MAP3K14: variants seen among roughly 807,000 people sequenced by gnomAD.
MAP3K14 encodes the protein NF-kappa-beta-inducing kinase.
Under a neutral mutation model 99.2 loss-of-function variants are expected in MAP3K14, and 16 were observed. The observed-to-expected ratio is 0.16, with a 90% confidence interval of 0.11 to 0.24. MAP3K14 has a LOEUF of 0.24. Ranked by LOEUF, MAP3K14 falls within the 10% of genes least tolerant of loss-of-function variation. MAP3K14 has a pLI of 1.00. For synonymous variants in MAP3K14, 462 were observed against 492.4 expected (o/e 0.94, Z 0.82); for missense variants, 784 against 1,208.7 (o/e 0.65, Z 5.21).
In MAP3K14 at chr17:45,271,212, A is replaced by G; in HGVS notation, c.1667T>C (p.Ile556Thr). The change falls in exon 10 of 16, where the codon ATC becomes ACC. Residue 556 changes from isoleucine to threonine, a missense_variant. Ile to Thr is a moderately conservative substitution (Grantham distance 89). This residue lies in a region of MAP3K14 where 200 missense variants were observed against 367.9 expected (regional missense o/e 0.54). Coordinates refer to ENST00000344686, the MANE Select transcript of MAP3K14 (RefSeq NM_003954.5). Reference protein sequence around the residue: ...LGKSLLTGDYIPGTETHMAPE... With the variant: ...LGKSLLTGDYTPGTETHMAPE... ...AGCCATGTGGGTCTCTGTGCCAGGG[A>G]TGTAGTCCCCTGAGAAGGGGGATGA... is the stretch of plus-strand genomic sequence containing the variant. The G allele has an allele frequency of 6.2e-7, 1 of 1,608,246 alleles. No homozygotes were observed. The highest frequency in any genetic ancestry group is 8.5e-7 in the Non-Finnish European group (1 of 1,178,356).
rs1598239761 is a variant in MAP3K14 at position 45,267,309 on chromosome 17, GAAGA to G, written c.2326+93_2326+96del. On this transcript the variant is annotated intron_variant, in intron 12 of 15. Coordinates refer to ENST00000344686, the MANE Select transcript of MAP3K14 (RefSeq NM_003954.5). The surrounding 1 kb of genome is among the most constrained non-coding windows in gnomAD (Gnocchi z 5.1). Reference sequence around the variant, plus strand: ...AGCTGAGCTGCTGGGGAAGGGGCTGGAAGAAAGCCCACACCGCAGGTAAAGAGAA... The same window carrying G: ...AGCTGAGCTGCTGGGGAAGGGGCTGGAAGCCCACACCGCAGGTAAAGAGAA... 7.0e-7 allele frequency: 1 copy of G among 1,435,062 alleles called. No homozygotes were observed. Among genetic ancestry groups the G allele is most frequent in the Non-Finnish European group, 9.6e-7 (1 of 1,043,546 alleles). The allele number at this position is 1,435,062 out of a possible 1,614,324, so 88.9% of individuals were successfully genotyped here. A position where few individuals can be genotyped will look rare whatever the true frequency, so the allele number is the denominator to read the frequency against.
intron 11 of MAP3K14, chr17:45,268,541 C>T (rs2044116202): frequency 6.6e-6 from 1 of 152,138 alleles, no homozygotes; most frequent in African/African-American, 2.4e-5. Flanking sequence ...ATGTGCGCCA[C>T]CATACCTGGC....
intron 1 of MAP3K14, among the ~76,000 whole-genome samples, chr17:45,293,677 A>C (rs1330634462): frequency 1.3e-5 from 2 of 152,148 alleles, no homozygotes; most frequent in Non-Finnish European, 2.9e-5. Flanking sequence ...GGGAGCTGTA[A>C]AGCTCCTCCT....
In MAP3K14 at chr17:45,267,433, C is replaced by G; in HGVS notation, c.2299G>C (p.Glu767Gln). The G allele has an allele frequency of 1.9e-6, 3 of 1,603,170 alleles. No individual in the cohort carries two copies. Among genetic ancestry groups the G allele is most frequent in the Non-Finnish European group, 2.6e-6 (3 of 1,174,864 alleles). The change falls in exon 12 of 16, where the codon GAG becomes CAG. Residue 767 changes from glutamate (E) to glutamine (Q), a missense_variant. Around this residue, in one of 5 missense-constraint regions of MAP3K14, gnomAD observed 128 missense variants for 143.3 expected, o/e 0.89. Coordinates refer to ENST00000344686, the MANE Select transcript of MAP3K14 (RefSeq NM_003954.5). The surrounding 1 kb of genome is among the most constrained non-coding windows in gnomAD (Gnocchi z 5.1). ...ATTTCCAGCTGCTGCAGTTCCTGCT[C>G]CGGGACGGTTGCTTTCCGCTCTGGT... ...SSPERKATVP[E>Q]QELQQLEIEL...
At chr17:45,279,733 T>C (rs568631184) in intron 6 of MAP3K14, among the ~76,000 whole-genome samples, 3 of 152,244 alleles carry the variant, frequency 2.0e-5, no homozygotes, top group Non-Finnish European at 4.4e-5. Flanking sequence ...TCTTCTTTGG[T>C]ATTCTTATCT....
intron 1 of MAP3K14, among the ~76,000 whole-genome samples, chr17:45,296,617 G>A (rs1385284299): frequency 6.6e-6 from 1 of 152,208 alleles, no homozygotes; most frequent in Non-Finnish European, 1.5e-5. Flanking sequence ...CATCTGGCGA[G>A]GCAGACTCAG....
intron 1 of MAP3K14, among the ~76,000 whole-genome samples, chr17:45,298,972 A>G (rs2044366302): frequency 6.6e-6 from 1 of 152,200 alleles, no homozygotes; most frequent in South Asian, 2.1e-4. Context: ...CTGCCCAAGA[A>G]AAAGGAGAGG....
chr17:45,290,613 C>T lies in MAP3K14; in HGVS notation c.133G>A (p.Val45Met), dbSNP rs373437304. 4.9e-5 allele frequency: 79 copies of T among 1,613,658 alleles called. No individual in the cohort carries two copies. The Middle Eastern group carries it at 4.9e-4, about 10-fold the overall frequency. Residue 45 changes from valine (V) to methionine (M), a missense_variant, in exon 2 of 16, where the codon GTG becomes ATG. Around this residue, in one of 5 missense-constraint regions of MAP3K14, gnomAD observed 188 missense variants for 313.0 expected, o/e 0.60. Coordinates refer to ENST00000344686, the MANE Select transcript of MAP3K14 (RefSeq NM_003954.5). ...CCGCAGAACACAGGGCTCTTCTCCA[C>T]GGCCTCAAGCTTGTAGACGGAGCTC... ...KQSSVYKLEA[V>M]EKSPVFCGKW...
chr17:45,316,294 G>T (rs1047622178), intron 1 of MAP3K14, among the ~76,000 whole-genome samples: 1 of 152,244 alleles, frequency 6.6e-6, no homozygotes, highest in African/African-American at 2.4e-5. Flanking sequence ...CTGGTGCCCA[G>T]TGGCTGCAAG....
Position 45,267,136 on chromosome 17 carries a change from A to G in MAP3K14, c.2389T>C (p.Cys797Arg). ...SLEEQEQILSCLSIDSLSLSD... is the reference protein window; with the variant it reads ...SLEEQEQILSRLSIDSLSLSD... ...AGGGAGAGGCTGTCGATGCTGAGGC[A>G]CGAGAGAATTTGCTCCTGCTCCTCC... The change falls in exon 13 of 16, where the codon TGC becomes CGC. Residue 797 changes from cysteine (C) to arginine (R), a missense_variant. Physicochemically the swap from Cys to Arg is radical, Grantham distance 180. This residue lies in a region of MAP3K14 where 130 missense variants were observed against 220.4 expected (regional missense o/e 0.59). Transcript: ENST00000344686. The surrounding 1 kb of genome is among the most constrained non-coding windows in gnomAD (Gnocchi z 5.1). 4 of 1,601,384 alleles carry G rather than the reference A, an allele frequency of 2.5e-6. No individual in the cohort carries two copies. Among genetic ancestry groups the G allele is most frequent in the Non-Finnish European group, 3.4e-6 (4 of 1,173,950 alleles).
At chr17:45,282,117 T>C (rs1363130780) in intron 6 of MAP3K14, 1 of 152,144 alleles carries the variant, frequency 6.6e-6, no homozygotes, top group Admixed American at 6.5e-5. Flanking sequence ...TTTACTCTTT[T>C]GTAGACATGC....
In MAP3K14 at chr17:45,271,151, C is replaced by T. The variant is rs746432224; in HGVS notation, c.1728G>A (p.Lys576=). Residue 576 remains lysine (K), a synonymous_variant, in exon 10 of 16, where the codon AAG becomes AAA. Coordinates refer to ENST00000344686, the MANE Select transcript of MAP3K14 (RefSeq NM_003954.5). ...EVVLGRSCDA[K]VDVWSSCCMM... ...TACAGCAGCTGCTCCAGACATCCAC[C>T]TTGGCGTCGCAGCTCCTGCCCAGCA... 1.2e-6 allele frequency: 2 copies of T among 1,613,552 alleles called. No individual in the cohort carries two copies. Among genetic ancestry groups the T allele is most frequent in the Non-Finnish European group, 1.7e-6 (2 of 1,179,790 alleles).
Position 45,264,777 on chromosome 17 carries a change from C to G in MAP3K14, c.2703G>C (p.Leu901Phe). 1 of 1,613,390 alleles carries G rather than the reference C, an allele frequency of 6.2e-7. No homozygotes were observed. Among genetic ancestry groups the G allele is most frequent in the Non-Finnish European group, 8.5e-7 (1 of 1,179,684 alleles). The change falls in exon 16 of 16, where the codon TTG (leucine) becomes TTC (phenylalanine). Residue 901 changes from leucine (L) to phenylalanine (F), a missense_variant. By Grantham distance (22) the Leu-to-Phe change is conservative. Transcript: ENST00000344686. ...SSQIPAAAFS[L>F]VTKDGQPVRY... Reference sequence around the variant, plus strand: ...GAACAGGCTGCCCGTCTTTGGTGACCAAGCTGAAGGCTGCAGCTGGGATCT... The same window carrying G: ...GAACAGGCTGCCCGTCTTTGGTGACGAAGCTGAAGGCTGCAGCTGGGATCT...
In MAP3K14 at chr17:45,274,159, G is replaced by A. The variant is rs1236813857; in HGVS notation, c.1516C>T (p.Leu506Phe). Residue 506 changes from leucine to phenylalanine, a missense_variant, in exon 8 of 16, where the codon CTC becomes TTC. By Grantham distance (22) the Leu-to-Phe change is conservative. Transcript: ENST00000344686. Reference protein sequence around the residue: ...LGQALEGLEYLHSRRILHGDV... With the variant: ...LGQALEGLEYFHSRRILHGDV... ...CCATGCAGAATCCTTCGTGAGTGGA[G>A]GTATTCCAGACCCTCCAGGGCCTGG... 1.2e-6 allele frequency: 2 copies of A among 1,607,116 alleles called. No individual in the cohort carries two copies. The highest frequency in any genetic ancestry group is 1.7e-6 in the Non-Finnish European group (2 of 1,176,780).
rs2143756875 is a variant in MAP3K14 at position 45,264,620 on chromosome 17, G to A, written c.*16C>T. On this transcript the variant is annotated 3_prime_UTR_variant, in exon 16 of 16. Transcript: ENST00000344686. ...GGCTGCTTCCGGCAGTGTGGAGCCG[G>A]CGGTGGAGGGCAGGGTTAGGGCCTG... 6.4e-7 allele frequency: 1 copy of A among 1,560,424 alleles called. No homozygotes were observed. Among genetic ancestry groups the A allele is most frequent in the Non-Finnish European group, 8.7e-7 (1 of 1,153,160 alleles).
intron 9 of MAP3K14, among the ~76,000 whole-genome samples, chr17:45,271,806 G>A (rs1274999626): frequency 1.3e-5 from 2 of 152,182 alleles, no homozygotes; most frequent in Non-Finnish European, 2.9e-5. Flanking sequence ...TAAAAATGGG[G>A]CAGGGGCTGG....
At chr17:45,265,284 T>C (rs777313120) in intron 14 of MAP3K14, 21 bp from the exon 15 acceptor site, 2 of 1,539,560 alleles carry the variant, frequency 1.3e-6, no homozygotes, top group Admixed American at 1.7e-5. Flanking sequence ...GACAAGGTGA[T>C]AGTCAGGAGA....
chr17:45,280,812 T>A (rs368333648), intron 6 of MAP3K14, among the ~76,000 whole-genome samples: 3 of 152,068 alleles, frequency 2.0e-5, no homozygotes, highest in Non-Finnish European at 4.4e-5. Flanking sequence ...GGTTTCACCA[T>A]GTTGGCCAGG....
At chr17:45,287,096 G>A (rs2044273062) in intron 4 of MAP3K14, 51 bp from the exon 5 acceptor site, 3 of 1,602,278 alleles carry the variant, frequency 1.9e-6, no homozygotes, top group African/African-American at 1.3e-5. Context: ...CCCAGGGACA[G>A]GCTCCAATTT....
Sources: gnomAD v4.1 joint callset for allele counts (sites outside exome capture counted in the v4.1 genomes callset) on GRCh38, gnomAD v4.1.1 for gene constraint, gnomAD v4.1.1 regional missense constraint, Gnocchi (gnomAD v3.1) non-coding constraint, MANE v1.5 for transcripts, NCBI Gene and HGNC (gene_info 2026-07-23, HGNC 2026-07-21) for gene names.